Variants in CYFIP2 observed in about 807,000 individuals in gnomAD.
CYFIP2 encodes cytoplasmic FMR1-interacting protein 2.
CYFIP2 carries 29 observed loss-of-function variants against 158.7 expected under a neutral mutation model. That is an observed-to-expected ratio of 0.18 (90% CI 0.14 to 0.25). The LOEUF (loss-of-function observed/expected upper bound fraction) is 0.25. Among genes scored for constraint, CYFIP2 ranks in the 10% least tolerant of loss-of-function variants. The probability of loss-of-function intolerance (pLI) is 1.00; values close to 1 mark genes in which losing one functional copy is unlikely to be tolerated. For synonymous variants in CYFIP2, 585 were observed against 617.6 expected (o/e 0.95, Z 0.78); for missense variants, 852 against 1,639.5 (o/e 0.52, Z 8.29).
intron 23 of CYFIP2, chr5:157,343,249 A>C: frequency 6.2e-7 from 1 of 1,614,190 alleles, no homozygotes. Flanking sequence ...GCGGACTCTT[A>C]TCCAGGGTGT....
chr5:157,337,480 CACTT>C (rs1393660353), intron 21 of CYFIP2, among the ~76,000 whole-genome samples: 1 of 152,234 alleles, frequency 6.6e-6, no homozygotes, highest in Non-Finnish European at 1.5e-5. Flanking sequence ...CAGTTGATCT[CACTT>C]ACCTGACCTG....
At chr5:157,388,204 G>T (rs1229920782) in intron 28 of CYFIP2, among the ~76,000 whole-genome samples, 1 of 152,168 alleles carries the variant, frequency 6.6e-6, no homozygotes, top group Non-Finnish European at 1.5e-5. Context: ...TTACTTTGCA[G>T]ATAGCTTTCA....
chr5:157,307,058 C>A (rs1387303471), intron 8 of CYFIP2, among the ~76,000 whole-genome samples: 1 of 152,020 alleles, frequency 6.6e-6, no homozygotes, highest in African/African-American at 2.4e-5. Context: ...TTAAAAGGAG[C>A]AAAACAAGCC....
intron 14 of CYFIP2, 73 bp from the exon 15 acceptor site, chr5:157,320,582 C>T (rs2113106301): frequency 1.9e-6 from 3 of 1,595,398 alleles, no homozygotes; most frequent in South Asian, 1.1e-5. Context: ...ACCACGGGCC[C>T]TAGAAACACA....
rs771763167 is a variant in CYFIP2 at position 157,285,318 on chromosome 5, C to A, written c.-23-21C>A. 6 of 1,493,184 alleles carry A rather than the reference C, an allele frequency of 4.0e-6. No individual in the cohort carries two copies. The African/African-American group carries it at 8.3e-5, about 21-fold the overall frequency. The allele number at this position is 1,493,184 out of a possible 1,614,324, so 92.5% of individuals were successfully genotyped here. ...AGAGGCCCCTGAAATTCTCCACTGA[C>A]CTTCTCTTCCTTCCCTTCAGTGCAG... is the stretch of plus-strand genomic sequence containing the variant. On this transcript the variant is annotated intron_variant, in intron 1 of 30. Transcript: ENST00000620254.
intron 7 of CYFIP2, among the ~76,000 whole-genome samples, chr5:157,303,695 T>A (rs150709233): frequency 6.6e-6 from 1 of 152,200 alleles, no homozygotes; most frequent in East Asian, 1.9e-4. Flanking sequence ...AGTGCCCTCC[T>A]CTGCATACCC....
At chr5:157,318,754 GT>G (rs1456046104) in intron 13 of CYFIP2, among the ~76,000 whole-genome samples, 2 of 152,204 alleles carry the variant, frequency 1.3e-5, no homozygotes, top group African/African-American at 4.8e-5. Flanking sequence ...TTCCAGTCTG[GT>G]GTAGAAGGTG....
chr5:157,321,550 G>A (rs565584741), intron 15 of CYFIP2, among the ~76,000 whole-genome samples: 28 of 152,290 alleles, frequency 1.8e-4, no homozygotes, highest in Admixed American at 4.6e-4. Context: ...ACCTACTTAA[G>A]GATAGGTAGT....
At chr5:157,297,106 A>G (rs1258959204) in intron 5 of CYFIP2, among the ~76,000 whole-genome samples, 3 of 152,248 alleles carry the variant, frequency 2.0e-5, no homozygotes, top group Non-Finnish European at 4.4e-5. Flanking sequence ...GTGCTGCTTT[A>G]GGGACAGCCT....
chr5:157,310,751 T>G (rs756748596), intron 10 of CYFIP2, among the ~76,000 whole-genome samples: 1 of 152,190 alleles, frequency 6.6e-6, no homozygotes, highest in Non-Finnish European at 1.5e-5. Flanking sequence ...GGTAACTCTT[T>G]GAGTGATATT....
chr5:157,302,929 C>T (rs938328709), intron 7 of CYFIP2, 39 bp downstream of exon 7: 5 of 1,518,098 alleles, frequency 3.3e-6, no homozygotes, highest in Admixed American at 4.1e-5. Flanking sequence ...CCTGATGTCT[C>T]GGGGTTATAG....
At chr5:157,294,989 A>G (rs1758137109) in intron 4 of CYFIP2, 129 bp downstream of exon 4, 4 of 623,424 alleles carry the variant, frequency 6.4e-6, no homozygotes. Flanking sequence ...CTCTTATCCA[A>G]GGAAGAACCT....
At chr5:157,304,494 A>G (rs1343583750) in intron 8 of CYFIP2, 128 bp downstream of exon 8, 4 of 1,095,318 alleles carry the variant, frequency 3.7e-6, no homozygotes. Flanking sequence ...TACGGCACAT[A>G]ATGGTTTGTA....
intron 1 of CYFIP2, among the ~76,000 whole-genome samples, chr5:157,275,529 T>C (rs1756472894): frequency 6.6e-6 from 1 of 152,240 alleles, no homozygotes; most frequent in African/African-American, 2.4e-5. Flanking sequence ...CACCACACAA[T>C]TTTGATTACT....
At chr5:157,271,084 G>A (rs2113803593) in intron 1 of CYFIP2, among the ~76,000 whole-genome samples, 1 of 152,294 alleles carries the variant, frequency 6.6e-6, no homozygotes, top group Non-Finnish European at 1.5e-5. Flanking sequence ...GGGCTTGGCT[G>A]GTCAGACCTT....
In CYFIP2 at chr5:157,392,830, T is replaced by C. The variant is rs1176780669; in HGVS notation, c.3595-3T>C. On this transcript the variant is annotated splice_region_variant and splice_polypyrimidine_tract_variant and intron_variant, in intron 30 of 30. Transcript: ENST00000620254. ...TAACTTGAACATCCCCTTCCTTCTG[T>C]AGCCCCTGAAGAAGATGGCCGACCG... The C allele has an allele frequency of 6.2e-7, 1 of 1,613,696 alleles. No homozygotes were observed. Among genetic ancestry groups the C allele is most frequent in the Non-Finnish European group, 8.5e-7 (1 of 1,179,698 alleles).
chr5:157,372,093 C>T (rs1189093099), intron 26 of CYFIP2, among the ~76,000 whole-genome samples: 1 of 152,160 alleles, frequency 6.6e-6, no homozygotes, highest in Non-Finnish European at 1.5e-5. Context: ...ATAACAATTG[C>T]ATATTATTCA....
At chr5:157,342,927 CA>C (rs772215216) in intron 23 of CYFIP2, 3 of 1,614,114 alleles carry the variant, frequency 1.9e-6, no homozygotes, top group African/African-American at 2.7e-5. Flanking sequence ...GCACCCGCAT[CA>C]GGGGCATCCT....
At chr5:157,366,744 T>A (rs981243142) in intron 26 of CYFIP2, among the ~76,000 whole-genome samples, 2 of 152,220 alleles carry the variant, frequency 1.3e-5, no homozygotes, top group Admixed American at 1.3e-4. Context: ...TTTATATGTA[T>A]CAGGTTTTTA....
Sources: allele counts gnomAD v4.1 joint callset (sites outside exome capture counted in the v4.1 genomes callset), GRCh38; gene constraint gnomAD v4.1.1; transcripts MANE v1.5; gene names NCBI Gene and HGNC (gene_info 2026-07-23, HGNC 2026-07-21).